The following RLN2 variants were observed in gnomAD, a reference collection of about 807,000 sequenced individuals.
RLN2 encodes relaxin 2, also known as prorelaxin H2.
A neutral mutation model predicts 7.3 loss-of-function variants in RLN2; 10 were observed. That is an observed-to-expected ratio of 1.36 (90% confidence interval 0.84 to 2.31). RLN2 has a LOEUF of 2.31. Ranked by LOEUF, RLN2 falls within the 30% of genes most tolerant of loss-of-function variation. The pLI, the probability that RLN2 is intolerant of heterozygous loss-of-function variation, is 0.00. For synonymous variants in RLN2, 103 were observed against 82.3 expected, an observed-to-expected ratio of 1.25 and a Z score of -1.36; for missense variants, 298 against 217.6, an observed-to-expected ratio of 1.37 and a Z score of -2.32.
the RLN2 span, among the ~76,000 whole-genome samples, chr9:5,321,187 G>GT: frequency 6.6e-6 from 1 of 152,038 alleles, no homozygotes; most frequent in Non-Finnish European, 1.5e-5. Context: ...TATTTTAGTG[G>GT]TAAGTATGAA....
chr9:5,332,480 G>T, the RLN2 span, among the ~76,000 whole-genome samples: 1 of 151,912 alleles, frequency 6.6e-6, no homozygotes, highest in Non-Finnish European at 1.5e-5. Context: ...TTATTTTGTT[G>T]AATTTACATC....
At chr9:5,316,735 A>G in the RLN2 span, among the ~76,000 whole-genome samples, 1 of 151,932 alleles carries the variant, frequency 6.6e-6, no homozygotes, top group African/African-American at 2.4e-5. Flanking sequence ...ACTATTGTGA[A>G]TAGTGCTGCG....
chr9:5,317,132 T>A, the RLN2 span, among the ~76,000 whole-genome samples: 1,080 of 151,196 alleles, frequency 7.1e-3, 19 homozygotes, highest in African/African-American at 0.025. Flanking sequence ...AAACATAAAA[T>A]CACAAAGATA....
the RLN2 span, among the ~76,000 whole-genome samples, chr9:5,325,186 T>A: frequency 1.3e-5 from 2 of 151,938 alleles, no homozygotes; most frequent in Non-Finnish European, 2.9e-5. Context: ...ATAGGGGAAT[T>A]TAAGGCTGTC....
At chr9:5,334,489 T>C in the RLN2 span, among the ~76,000 whole-genome samples, 2 of 152,090 alleles carry the variant, frequency 1.3e-5, no homozygotes, top group African/African-American at 4.8e-5. Flanking sequence ...CAAGTGTTCA[T>C]ACTATTTCAG....
chr9:5,316,667 C>G, the RLN2 span, among the ~76,000 whole-genome samples: 3 of 151,996 alleles, frequency 2.0e-5, no homozygotes, highest in Non-Finnish European at 4.4e-5. Context: ...TGTATATGTG[C>G]CACATTTTCT....
the RLN2 span, chr9:5,335,469 G>A: frequency 1.2e-6 from 2 of 1,613,476 alleles, no homozygotes; most frequent in East Asian, 2.2e-5. Flanking sequence ...GGTACATACT[G>A]CTGTAGCTCT....
chr9:5,305,548 A>ATT (rs146445637), upstream of RLN2, among the ~76,000 whole-genome samples: 2 of 151,884 alleles, frequency 1.3e-5, no homozygotes, highest in African/African-American at 4.8e-5. Flanking sequence ...GTAAGAGGTG[A>ATT]TTTTTTACCA....
chr9:5,326,912 T>C, the RLN2 span, among the ~76,000 whole-genome samples: 1 of 151,688 alleles, frequency 6.6e-6, no homozygotes, highest in Non-Finnish European at 1.5e-5. Context: ...AAATATAAAA[T>C]AAAAAACTGG....
At chr9:5,333,172 T>C in the RLN2 span, among the ~76,000 whole-genome samples, 1 of 152,000 alleles carries the variant, frequency 6.6e-6, no homozygotes, top group Non-Finnish European at 1.5e-5. Context: ...CACAGATAAA[T>C]CAACCCATGA....
chr9:5,332,741 G>A, the RLN2 span, among the ~76,000 whole-genome samples: 2 of 151,456 alleles, frequency 1.3e-5, no homozygotes, highest in African/African-American at 4.9e-5. Context: ...TCAGCCTCCC[G>A]AGTAGCTGGG....
At chr9:5,310,575 G>A in the RLN2 span, among the ~76,000 whole-genome samples, 2 of 151,804 alleles carry the variant, frequency 1.3e-5, no homozygotes, top group Admixed American at 6.6e-5. Flanking sequence ...AGCTTCAATC[G>A]AACCTTTAAT....
the RLN2 span, among the ~76,000 whole-genome samples, chr9:5,321,844 G>C: frequency 3.9e-5 from 6 of 152,056 alleles, no homozygotes; most frequent in African/African-American, 1.5e-4. Context: ...GGGAGCATTG[G>C]CTGCCCTTGG....
chr9:5,326,561 G>C, the RLN2 span, among the ~76,000 whole-genome samples: 4 of 152,058 alleles, frequency 2.6e-5, no homozygotes, highest in South Asian at 8.3e-4. Context: ...GCATAGGGCA[G>C]TGATGGACAA....
the RLN2 span, among the ~76,000 whole-genome samples, chr9:5,320,511 C>CAAA: frequency 2.6e-5 from 4 of 151,668 alleles, no homozygotes; most frequent in African/African-American, 9.7e-5. Flanking sequence ...GCTGGAACGA[C>CAAA]AGGTGTGTAC....
chr9:5,336,099 G>C, the RLN2 span, among the ~76,000 whole-genome samples: 2 of 152,010 alleles, frequency 1.3e-5, no homozygotes, highest in African/African-American at 2.4e-5. Context: ...GGAGGATAAA[G>C]TTAAAGAGGC....
At chr9:5,326,361 G>GT in the RLN2 span, among the ~76,000 whole-genome samples, 1 of 152,084 alleles carries the variant, frequency 6.6e-6, no homozygotes, top group African/African-American at 2.4e-5. Context: ...CCAGTGACAG[G>GT]TGGAGCCACT....
chr9:5,316,626 T>A, the RLN2 span, among the ~76,000 whole-genome samples: 4 of 152,202 alleles, frequency 2.6e-5, no homozygotes, highest in Non-Finnish European at 5.9e-5. Flanking sequence ...CATGAGCTTA[T>A]CCTTTTTTAT....
intron 1 of RLN2, among the ~76,000 whole-genome samples, chr9:5,302,239 T>G (rs1463179886): frequency 1.3e-5 from 2 of 152,192 alleles, no homozygotes; most frequent in Non-Finnish European, 2.9e-5. Context: ...GAACCTAGGC[T>G]CAAAGAAAAT....
Sources: allele counts gnomAD v4.1 joint callset (sites outside exome capture counted in the v4.1 genomes callset), GRCh38; gene constraint gnomAD v4.1.1; transcripts MANE v1.5; gene names NCBI Gene and HGNC (gene_info 2026-07-23, HGNC 2026-07-21).